Variants in EDIL3 observed in about 807,000 individuals in gnomAD.
EDIL3 encodes EGF-like repeat and discoidin I-like domain-containing protein 3.
EDIL3 carries 37 observed loss-of-function variants against 67.4 expected under a neutral mutation model. The ratio of observed to expected loss-of-function variants is 0.55; its 90% CI spans 0.42 to 0.72. The LOEUF (loss-of-function observed/expected upper bound fraction) is 0.72. Ranked by LOEUF, EDIL3 falls within the 30% of genes least tolerant of loss-of-function variation. The pLI is 0.00. For missense variants in EDIL3, 527 were observed against 586.3 expected (o/e 0.90, Z 1.04); for synonymous variants, 195 against 196.3 (o/e 0.99, Z 0.05).
chr5:84,259,254 T>C (rs1745180727), intron 1 of EDIL3, among the ~76,000 whole-genome samples: 1 of 152,092 alleles, frequency 6.6e-6, no homozygotes, highest in African/African-American at 2.4e-5. Flanking sequence ...CCACCACACC[T>C]GGTCTGGTAA....
rs563158521 is a variant in EDIL3, at chr5:84,004,212, C to A, written c.1138-40852G>T. 8.5e-5 allele frequency among the ~76,000 whole-genome samples: 13 copies of A among 152,104 alleles called. No individual in the cohort carries two copies. The South Asian group carries it at 2.3e-3, about 27-fold the overall frequency. ...GAGACTTACGAAGAGACTTAAATAACCACAAAATAATAGTGTGAGAATTTC... is the reference window on the plus strand; with the variant it reads ...GAGACTTACGAAGAGACTTAAATAAACACAAAATAATAGTGTGAGAATTTC... On this transcript the variant is annotated intron_variant, in intron 9 of 10. Coordinates refer to ENST00000296591, the MANE Select transcript of EDIL3 (RefSeq NM_005711.5).
chr5:84,087,935 T>C (rs1747100877), intron 6 of EDIL3, among the ~76,000 whole-genome samples: 1 of 152,160 alleles, frequency 6.6e-6, no homozygotes, highest in Admixed American at 6.6e-5. Flanking sequence ...GGAATATGTT[T>C]TTTCTAAGCA....
chr5:84,071,586 G>A (rs1746741556), intron 6 of EDIL3, among the ~76,000 whole-genome samples: 1 of 152,152 alleles, frequency 6.6e-6, no homozygotes, highest in South Asian at 2.1e-4. Flanking sequence ...CAATAGCAAA[G>A]AAGCAAAGAG....
intron 1 of EDIL3, among the ~76,000 whole-genome samples, chr5:84,309,309 C>CTTTTTTTTTTTTTTTT (rs1746333742): frequency 6.0e-5 from 6 of 100,712 alleles, no homozygotes; most frequent in East Asian, 2.9e-4. Context: ...CTTTTTTTTT[C>CTTTTTTTTTTTTTTTT]TTTGTTTTTT....
At chr5:84,068,953 G>GC (rs2112243687) in intron 6 of EDIL3, among the ~76,000 whole-genome samples, 1 of 152,210 alleles carries the variant, frequency 6.6e-6, no homozygotes, top group East Asian at 1.9e-4. Flanking sequence ...ACAAGTATCT[G>GC]CAAGTAATTC....
chr5:83,945,580 G>A (rs1031838794), intron 10 of EDIL3, among the ~76,000 whole-genome samples: 1 of 151,986 alleles, frequency 6.6e-6, no homozygotes, highest in Middle Eastern at 3.4e-3. Flanking sequence ...TCTCTTAAGT[G>A]TCTGCTCTCC....
At chr5:84,254,626 G>A (rs1273470575) in intron 1 of EDIL3, among the ~76,000 whole-genome samples, 1 of 152,106 alleles carries the variant, frequency 6.6e-6, no homozygotes, top group African/African-American at 2.4e-5. Flanking sequence ...TGGATCCCTA[G>A]AATCTGGGCT....
chr5:84,083,249 G>T (rs3797662), intron 6 of EDIL3, among the ~76,000 whole-genome samples: 49,135 of 151,964 alleles, frequency 0.32, 8,098 homozygotes, highest in East Asian at 0.45. Context: ...CAAGATTTGG[G>T]ACTGGACTTA....
At chr5:84,366,641 T>A (rs1279863761) in intron 1 of EDIL3, among the ~76,000 whole-genome samples, 1 of 152,118 alleles carries the variant, frequency 6.6e-6, no homozygotes, top group African/African-American at 2.4e-5. Context: ...TTCTATTGTA[T>A]CAGAAATGAT....
At chr5:84,119,156 G>A (rs564261518) in intron 5 of EDIL3, among the ~76,000 whole-genome samples, 122 of 149,004 alleles carry the variant, frequency 8.2e-4, no homozygotes, top group Non-Finnish European at 1.5e-3. Context: ...TTTACTACCT[G>A]GAGACACATG....
intron 10 of EDIL3, among the ~76,000 whole-genome samples, chr5:83,944,977 T>TCG (rs1744287142): frequency 1.3e-5 from 2 of 152,068 alleles, no homozygotes; most frequent in South Asian, 4.1e-4. Flanking sequence ...TTAAAAGCCT[T>TCG]CTAGGCTAGA....
chr5:84,260,283 A>G (rs922494980), intron 1 of EDIL3, among the ~76,000 whole-genome samples: 22 of 152,294 alleles, frequency 1.4e-4, no homozygotes, highest in African/African-American at 5.3e-4. Flanking sequence ...CTGAAGAATG[A>G]ACTAGAATCA....
chr5:84,264,376 T>A (rs1335186096), intron 1 of EDIL3, among the ~76,000 whole-genome samples: 1 of 152,144 alleles, frequency 6.6e-6, no homozygotes, highest in African/African-American at 2.4e-5. Flanking sequence ...AAATAGAAGG[T>A]TGTTGCCTGG....
chr5:84,160,137 G>A (rs892953217), intron 4 of EDIL3, among the ~76,000 whole-genome samples: 2 of 152,088 alleles, frequency 1.3e-5, no homozygotes, highest in African/African-American at 4.8e-5. Context: ...CAGAACCTTT[G>A]TACTGGTTTT....
chr5:84,178,030 C>T (rs1237839325), intron 4 of EDIL3, among the ~76,000 whole-genome samples: 3 of 151,754 alleles, frequency 2.0e-5, no homozygotes, highest in Non-Finnish European at 2.9e-5. Flanking sequence ...GAAATGTTCA[C>T]GCCATATTTG....
At chr5:84,230,763 A>ATATGTGTGTG (rs754636367) in intron 2 of EDIL3, among the ~76,000 whole-genome samples, 1 of 137,228 alleles carries the variant, frequency 7.3e-6, no homozygotes, top group Non-Finnish European at 1.5e-5. Flanking sequence ...CCACTACGTG[A>ATATGTGTGTG]TGTGTGTGTG....
intron 1 of EDIL3, among the ~76,000 whole-genome samples, chr5:84,331,175 G>A (rs1308859103): frequency 6.6e-6 from 1 of 152,188 alleles, no homozygotes; most frequent in Non-Finnish European, 1.5e-5. Context: ...TAGGTGGAAG[G>A]GACTTGCCTT....
chr5:84,090,885 T>A (rs1580322223), intron 6 of EDIL3, among the ~76,000 whole-genome samples: 1 of 151,278 alleles, frequency 6.6e-6, no homozygotes, highest in Non-Finnish European at 1.5e-5. Flanking sequence ...GAGGCGGAGG[T>A]TGCAGTGAGC....
At chr5:83,955,333 T>C (rs573407349) in intron 10 of EDIL3, among the ~76,000 whole-genome samples, 2 of 151,856 alleles carry the variant, frequency 1.3e-5, no homozygotes, top group South Asian at 4.1e-4. Flanking sequence ...AACATTTAAA[T>C]TATTTTTCAT....
Sources: gnomAD v4.1 joint callset for allele counts (sites outside exome capture counted in the v4.1 genomes callset) on GRCh38, gnomAD v4.1.1 for gene constraint, MANE v1.5 for transcripts, NCBI Gene and HGNC (gene_info 2026-07-23, HGNC 2026-07-21) for gene names.